IMPG1: variants seen among roughly 807,000 people sequenced by gnomAD.
IMPG1 encodes interphotoreceptor matrix proteoglycan 1, also known as interphotoreceptor matrix proteoglycan of 150 kDa.
A neutral mutation model predicts 92.0 loss-of-function variants in IMPG1; 85 were observed. That is an observed-to-expected ratio of 0.92 (90% CI 0.78 to 1.11). The LOEUF (loss-of-function observed/expected upper bound fraction) is 1.11, where lower values mean the gene tolerates loss of function less well. Among genes scored for constraint, IMPG1 ranks in the 50% least tolerant of loss-of-function variants. The pLI is 0.00. For missense variants in IMPG1, 1,022 were observed against 956.0 expected (o/e 1.07, Z -0.91); for synonymous variants, 367 against 334.1 (o/e 1.10, Z -1.08).
intron 12 of IMPG1, among the ~76,000 whole-genome samples, chr6:75,957,305 T>C (rs963370873): frequency 6.6e-6 from 1 of 152,250 alleles, no homozygotes; most frequent in Non-Finnish European, 1.5e-5. Context: ...CTTTTGCATT[T>C]GCTAAGGAGT....
chr6:75,977,581 C>T (rs1210263932), intron 12 of IMPG1, among the ~76,000 whole-genome samples: 2 of 136,022 alleles, frequency 1.5e-5, no homozygotes, highest in Non-Finnish European at 3.1e-5. Flanking sequence ...GAGTGAAACT[C>T]TGCCTCAAAA....
chr6:75,997,514 C>T (rs1168144131), intron 12 of IMPG1, among the ~76,000 whole-genome samples: 2 of 152,158 alleles, frequency 1.3e-5, no homozygotes, highest in Non-Finnish European at 2.9e-5. Flanking sequence ...GTAGTGGGTA[C>T]ATCACATGAG....
chr6:75,989,318 A>G (rs575503287), intron 12 of IMPG1, among the ~76,000 whole-genome samples: 2 of 152,204 alleles, frequency 1.3e-5, no homozygotes, highest in Non-Finnish European at 2.9e-5. Context: ...AACACACATA[A>G]GATGCTTAAA....
chr6:76,034,148 G>A (rs553929985), intron 4 of IMPG1, among the ~76,000 whole-genome samples, 167 bp downstream of exon 4: 12 of 152,172 alleles, frequency 7.9e-5, no homozygotes, highest in Admixed American at 4.6e-4. Context: ...TTTATGTACT[G>A]ATTTATCTTC....
At chr6:75,922,874 A>G (rs1781452590) in intron 16 of IMPG1, among the ~76,000 whole-genome samples, 1 of 151,998 alleles carries the variant, frequency 6.6e-6, no homozygotes, top group Non-Finnish European at 1.5e-5. Context: ...ATTAACTATG[A>G]TAACTTTTGT....
rs567031224 is a variant in IMPG1 at position 76,039,729 on chromosome 6, C to T, written c.301+2164G>A. ...AGAGGGAGAGACACAGGTGAGGTGA[C>T]GGGGATCTGAAGGGAGGCATCTGTA... On this transcript the variant is annotated intron_variant, in intron 2 of 16. Coordinates refer to ENST00000369950, the MANE Select transcript of IMPG1 (RefSeq NM_001563.4). Among the ~76,000 whole-genome samples, 8 of 152,152 alleles carry T rather than the reference C, an allele frequency of 5.3e-5. No homozygotes were observed. In the South Asian group the frequency reaches 6.2e-4, roughly 12 times the overall value.
chr6:75,983,752 A>G (rs1264741959), intron 12 of IMPG1, among the ~76,000 whole-genome samples: 1 of 152,210 alleles, frequency 6.6e-6, no homozygotes, highest in African/African-American at 2.4e-5. Context: ...AAAAACCTTC[A>G]GCACAGCAAA....
chr6:75,947,161 G>T (rs1781940191), intron 14 of IMPG1, among the ~76,000 whole-genome samples, 153 bp downstream of exon 14: 1 of 152,164 alleles, frequency 6.6e-6, no homozygotes, highest in Non-Finnish European at 1.5e-5. Flanking sequence ...CCTTTCTAAT[G>T]ATGTGCTCCA....
chr6:75,966,733 A>C (rs12191545), intron 12 of IMPG1, among the ~76,000 whole-genome samples: 31,222 of 152,210 alleles, frequency 0.21, 3,346 homozygotes, highest in Admixed American at 0.29. Flanking sequence ...AAGTTCAGAA[A>C]CTGATCATAG....
chr6:75,967,502 C>G (rs1470137138), intron 12 of IMPG1, among the ~76,000 whole-genome samples: 1 of 152,118 alleles, frequency 6.6e-6, no homozygotes, highest in African/African-American at 2.4e-5. Context: ...ACAATGTCAG[C>G]TCCTTGATTT....
intron 1 of IMPG1, among the ~76,000 whole-genome samples, chr6:76,061,263 ATCTTT>A (rs1005203956): frequency 6.6e-6 from 1 of 152,200 alleles, no homozygotes; most frequent in Non-Finnish European, 1.5e-5. Flanking sequence ...TACATGAAGT[ATCTTT>A]AATTTACATA....
At chr6:75,924,712 T>TC (rs1341829545) in intron 15 of IMPG1, among the ~76,000 whole-genome samples, 1,122 of 25,994 alleles carry the variant, frequency 0.043, 336 homozygotes, top group East Asian at 0.054. Flanking sequence ...ATATAATATA[T>TC]AATATATAAT....
Position 75,956,106 on chromosome 6 carries a change from C to T in IMPG1, c.1292-5012G>A, listed in dbSNP as rs376507688. Among the ~76,000 whole-genome samples, 586 of 152,188 alleles carry T rather than the reference C, an allele frequency of 3.9e-3. 5 individuals carry two copies. The highest frequency in any genetic ancestry group is 0.014 in the African/African-American group (561 of 41,510). On this transcript the variant is annotated intron_variant, in intron 12 of 16. Coordinates refer to ENST00000369950, the MANE Select transcript of IMPG1 (RefSeq NM_001563.4). ...GGTTTTGATATCAGGATGATGCTAG[C>T]CTCATAAAATGAATTAGGGAGGATG...
At chr6:76,039,966 A>T (rs1783806673) in intron 2 of IMPG1, among the ~76,000 whole-genome samples, 1 of 152,226 alleles carries the variant, frequency 6.6e-6, no homozygotes, top group Non-Finnish European at 1.5e-5. Context: ...CCTAAGTTTG[A>T]AAGATGTCAA....
intron 2 of IMPG1, among the ~76,000 whole-genome samples, chr6:76,039,950 TTCTC>T (rs1783806440): frequency 6.6e-6 from 1 of 152,220 alleles, no homozygotes; most frequent in Non-Finnish European, 1.5e-5. Flanking sequence ...TATGAGTGCT[TTCTC>T]TCCTAAGTTT....
At chr6:75,984,507 A>ATT (rs1443348618) in intron 12 of IMPG1, among the ~76,000 whole-genome samples, 1 of 152,236 alleles carries the variant, frequency 6.6e-6, no homozygotes, top group East Asian at 1.9e-4. Context: ...TGTATGAGGA[A>ATT]TTTTTAAAAA....
rs996893497 is a variant in IMPG1 at position 75,923,671 on chromosome 6, G to A, written c.2279C>T (p.Thr760Ile). Residue 760 changes from threonine to isoleucine, a missense_variant, in exon 16 of 17, where the codon ACT becomes ATT. Thr to Ile is a moderately conservative substitution (Grantham distance 89). Transcript: ENST00000369950. ...PDHSENQAYK[T>I]SVKKFQNQQN... ...TTGATTTTGGAACTTTTTAACACTA[G>A]TTTTGTATGCTTGATTTTCAGAGTG... 6.3e-7 allele frequency: 1 copy of A among 1,595,980 alleles called. No individual in the cohort carries two copies. Among genetic ancestry groups the A allele is most frequent in the African/African-American group, 1.3e-5 (1 of 74,778 alleles).
chr6:76,025,278 G>A lies in IMPG1; in HGVS notation c.498-20C>T, dbSNP rs372630300. ...TCTTTTCTATTAGTACAATAGAAAA[G>A]AAGGAAGAGGTGGTGAAAGAGAACT... On this transcript the variant is annotated intron_variant, in intron 4 of 16. Coordinates refer to ENST00000369950, the MANE Select transcript of IMPG1 (RefSeq NM_001563.4). The A allele has an allele frequency of 4.1e-4, 583 of 1,408,934 alleles. 1 individual carries two copies. Among genetic ancestry groups the A allele is most frequent in the Non-Finnish European group, 5.5e-4 (555 of 1,003,358 alleles). The allele number at this position is 1,408,934 out of a possible 1,614,324, so 87.3% of individuals were successfully genotyped here.
chr6:75,935,267 G>A (rs939794975), intron 14 of IMPG1, among the ~76,000 whole-genome samples: 7 of 152,216 alleles, frequency 4.6e-5, no homozygotes. Context: ...TGCTGATAGA[G>A]CCATTATTAC....
Sources: gnomAD v4.1 joint callset for allele counts (sites outside exome capture counted in the v4.1 genomes callset) on GRCh38, gnomAD v4.1.1 for gene constraint, MANE v1.5 for transcripts, NCBI Gene and HGNC (gene_info 2026-07-23, HGNC 2026-07-21) for gene names.